TM4SF4: variants seen among roughly 807,000 people sequenced by gnomAD.
TM4SF4 encodes transmembrane 4 L six family member 4.
A neutral mutation model predicts 24.1 loss-of-function variants in TM4SF4; 24 were observed. The observed-to-expected ratio is 1.00, with a 90% CI of 0.72 to 1.40. The LOEUF is 1.40. TM4SF4 is among the 40% of genes most tolerant of loss of function. TM4SF4 has a pLI of 0.00. For synonymous variants in TM4SF4, 113 were observed against 97.0 expected (o/e 1.17, Z -0.97); for missense variants, 254 against 254.2 (o/e 1.00, Z 0.01).
At position 149,475,928 on chromosome 3, in the gene TM4SF4, G is replaced by A. The variant is rs1425503865; in HGVS notation, c.264+16G>A. The A allele has an allele frequency of 6.2e-7, 1 of 1,602,222 alleles. No homozygotes were observed. The highest frequency in any genetic ancestry group is 8.5e-7 in the Non-Finnish European group (1 of 1,173,040). The stretch of plus-strand genomic sequence containing the variant: ...GCGATTTGCGGTGAGTTACCATGGG[G>A]GGCAGCTACTAGAATTACTCCAGGG... On this transcript the variant is annotated intron_variant, in intron 2 of 4. Transcript: ENST00000305354.
intron 2 of TM4SF4, among the ~76,000 whole-genome samples, chr3:149,483,035 T>G (rs1248525156): frequency 6.6e-6 from 1 of 152,200 alleles, no homozygotes; most frequent in Non-Finnish European, 1.5e-5. Context: ...ATCCATAAAA[T>G]GTGCCAAGAC....
intron 3 of TM4SF4, among the ~76,000 whole-genome samples, chr3:149,497,763 G>A (rs1306303588): frequency 6.6e-6 from 1 of 152,118 alleles, no homozygotes; most frequent in Non-Finnish European, 1.5e-5. Context: ...TCCAGCCTTA[G>A]TCTCCTGAGT....
At position 149,474,853 on chromosome 3, in the gene TM4SF4, C is replaced by T. The variant is rs1208630492; in HGVS notation, c.-25C>T. On this transcript the variant is annotated 5_prime_UTR_variant, in exon 1 of 5. Coordinates refer to ENST00000305354, the MANE Select transcript of TM4SF4 (RefSeq NM_004617.4). ...GGAGGCAGTGAGGAGCTTTTGATTG[C>T]TGACCTGTGTCGTACCACCCCAGAA... 4.4e-6 allele frequency: 7 copies of T among 1,587,384 alleles called. No homozygotes were observed. Among genetic ancestry groups the T allele is most frequent in the African/African-American group, 4.1e-5 (3 of 73,406 alleles).
rs547816065 is a variant in TM4SF4 at position 149,503,240 on chromosome 3, T to C, written c.*547T>C. On this transcript the variant is annotated 3_prime_UTR_variant, in exon 5 of 5. Transcript: ENST00000305354. ...GAGGCTGTCATCATGGCTAGGGTTC[T>C]TTTATGTATGTTAAATTAAAACCTG... 3 of 152,396 alleles carry C rather than the reference T, an allele frequency of 2.0e-5. No homozygotes were observed. The highest frequency in any genetic ancestry group is 4.1e-4 in the South Asian group (2 of 4,830). 9.4% of individuals were successfully genotyped at this position (152,396 alleles called of 1,614,324 possible). A position where few individuals can be genotyped will look rare whatever the true frequency, so the allele number is the denominator to read the frequency against.
intron 3 of TM4SF4, among the ~76,000 whole-genome samples, chr3:149,494,225 GAGA>G (rs1003777414): frequency 7.2e-5 from 11 of 152,198 alleles, no homozygotes; most frequent in African/African-American, 2.4e-4. Flanking sequence ...TTTGAAGGGA[GAGA>G]AGAAGGGCCT....
chr3:149,479,671 G>C (rs1347083130), intron 2 of TM4SF4, among the ~76,000 whole-genome samples: 2 of 152,194 alleles, frequency 1.3e-5, no homozygotes, highest in Non-Finnish European at 2.9e-5. Flanking sequence ...CGGGGCTTCT[G>C]TGGAGCACTG....
intron 2 of TM4SF4, among the ~76,000 whole-genome samples, chr3:149,484,550 ATTTTT>A (rs890892392): frequency 1.6e-5 from 2 of 122,236 alleles, no homozygotes; most frequent in African/African-American, 3.1e-5. Flanking sequence ...CACCCCGCTA[ATTTTT>A]TTTTTTTTTT....
intron 2 of TM4SF4, among the ~76,000 whole-genome samples, chr3:149,482,579 T>C (rs1188332949): frequency 2.0e-5 from 3 of 152,240 alleles, no homozygotes; most frequent in Admixed American, 6.5e-5. Context: ...GGTCTGGCTC[T>C]GTTGCCCAGG....
chr3:149,494,223 G>C (rs1223784462), intron 3 of TM4SF4, among the ~76,000 whole-genome samples: 2 of 152,192 alleles, frequency 1.3e-5, no homozygotes, highest in African/African-American at 4.8e-5. Flanking sequence ...AGTTTGAAGG[G>C]AGAGAAGAAG....
intron 3 of TM4SF4, among the ~76,000 whole-genome samples, chr3:149,488,603 C>G (rs1036665345): frequency 6.6e-6 from 1 of 152,162 alleles, no homozygotes; most frequent in Non-Finnish European, 1.5e-5. Context: ...AATTCAGTTC[C>G]TTAATCACAC....
chr3:149,497,042 A>T (rs997519949), intron 3 of TM4SF4, among the ~76,000 whole-genome samples: 3 of 152,194 alleles, frequency 2.0e-5, no homozygotes, highest in Non-Finnish European at 4.4e-5. Flanking sequence ...ACTGATGTTA[A>T]AGGAAGTGAG....
At chr3:149,495,925 A>T in intron 3 of TM4SF4, 1 of 246,648 alleles carries the variant, frequency 4.1e-6, no homozygotes, top group Non-Finnish European at 8.0e-6. Flanking sequence ...TCTGGGTGTC[A>T]TCAAAGCCAG....
chr3:149,491,882 G>C (rs1415044490), intron 3 of TM4SF4, among the ~76,000 whole-genome samples: 1 of 152,200 alleles, frequency 6.6e-6, no homozygotes, highest in Non-Finnish European at 1.5e-5. Context: ...TCAGAGCACT[G>C]TGTGGCAGAA....
intron 4 of TM4SF4, among the ~76,000 whole-genome samples, chr3:149,499,629 G>A (rs1272213184): frequency 6.6e-6 from 1 of 152,012 alleles, no homozygotes; most frequent in East Asian, 1.9e-4. Flanking sequence ...TCCCTAACTG[G>A]GGGATTATGT....
In TM4SF4 at chr3:149,502,790, T is replaced by TAGGAAGCAGATAGGAA; in HGVS notation, c.*97_*98insAGGAAGCAGATAGGAA. The TAGGAAGCAGATAGGAA allele has an allele frequency of 1.1e-6, 1 of 889,136 alleles. No individual in the cohort carries two copies. Among genetic ancestry groups the TAGGAAGCAGATAGGAA allele is most frequent in the Non-Finnish European group, 1.8e-6 (1 of 545,002 alleles). The allele number at this position is 889,136 out of a possible 1,614,324, so 55.1% of individuals were successfully genotyped here. ...CTTGGAATTATTAATTCCTATCTGC[T>TAGGAAGCAGATAGGAA]TCCTAGCTGATAAAGCTTAGAAAAG... On this transcript the variant is annotated 3_prime_UTR_variant, in exon 5 of 5. Transcript: ENST00000305354.
At chr3:149,479,392 G>A (rs1347403591) in intron 2 of TM4SF4, among the ~76,000 whole-genome samples, 15 of 149,964 alleles carry the variant, frequency 1.0e-4, no homozygotes, top group African/African-American at 3.7e-4. Flanking sequence ...AGGTTATTGG[G>A]GGGTCTCACT....
intron 2 of TM4SF4, among the ~76,000 whole-genome samples, chr3:149,482,524 C>T (rs1339077084): frequency 6.6e-6 from 1 of 152,124 alleles, no homozygotes; most frequent in Non-Finnish European, 1.5e-5. Flanking sequence ...CTCTAATGTA[C>T]TCAACTTGGT....
intron 2 of TM4SF4, among the ~76,000 whole-genome samples, chr3:149,484,727 T>G (rs992091650): frequency 2.0e-5 from 3 of 152,166 alleles, no homozygotes; most frequent in African/African-American, 4.8e-5. Context: ...AATTTTTATA[T>G]ATTTTTAATA....
At chr3:149,487,955 C>T (rs1240047168) in intron 3 of TM4SF4, among the ~76,000 whole-genome samples, 200 bp downstream of exon 3, 1 of 152,114 alleles carries the variant, frequency 6.6e-6, no homozygotes, top group East Asian at 1.9e-4. Context: ...TTTGACAGAC[C>T]CCAGGAGAAA....
Sources: gnomAD v4.1 joint callset for allele counts (sites outside exome capture counted in the v4.1 genomes callset) on GRCh38, gnomAD v4.1.1 for gene constraint, MANE v1.5 for transcripts, NCBI Gene and HGNC (gene_info 2026-07-23, HGNC 2026-07-21) for gene names.